The following SPAG17 variants were observed in gnomAD, a reference collection of about 807,000 sequenced individuals.
SPAG17 encodes sperm-associated antigen 17.
A neutral mutation model predicts 273.6 loss-of-function variants in SPAG17; 169 were observed. The observed-to-expected ratio is 0.62, with a 90% CI of 0.55 to 0.70. SPAG17 has a LOEUF of 0.70. Among genes scored for constraint, SPAG17 ranks in the 30% least tolerant of loss-of-function variants. The pLI is 0.00. For synonymous variants in SPAG17, 825 were observed against 873.2 expected, an observed-to-expected ratio of 0.94 and a Z score of 0.97; for missense variants, 2,557 against 2,627.8, an observed-to-expected ratio of 0.97 and a Z score of 0.59.
At chr1:118,150,052 G>A (rs1454438952) in intron 3 of SPAG17, among the ~76,000 whole-genome samples, 1 of 152,176 alleles carries the variant, frequency 6.6e-6, no homozygotes, top group African/African-American at 2.4e-5. Flanking sequence ...ATCGATTAAA[G>A]TGGGATATAA....
intron 32 of SPAG17, among the ~76,000 whole-genome samples, chr1:117,997,396 T>C (rs901455900): frequency 1.8e-4 from 27 of 151,940 alleles, no homozygotes; most frequent in Admixed American, 2.0e-4. Context: ...TTTGTCAGTT[T>C]GAACTCATGC....
Position 118,086,877 on chromosome 1 carries a change from C to G in SPAG17, c.1491G>C (p.Glu497Asp). Reference sequence around the variant, plus strand: ...CTATCTCAGGCTATCTGACCTTTTTCTCCCTCTCTGAGAGACAGAGTGAGG... The same window carrying G: ...CTATCTCAGGCTATCTGACCTTTTTGTCCCTCTCTGAGAGACAGAGTGAGG... The part of the protein sequence containing the change: ...LLPSLCLSER[E>D]KKNLHDIFLS... Residue 497 changes from glutamate (E) to aspartate (D), a missense_variant, in exon 11 of 49, where the codon GAG becomes GAC. Physicochemically the swap from Glu to Asp is conservative, Grantham distance 45. Coordinates refer to ENST00000336338, the MANE Select transcript of SPAG17 (RefSeq NM_206996.4). 1 of 1,614,166 alleles carries G rather than the reference C, an allele frequency of 6.2e-7. No homozygotes were observed. The highest frequency in any genetic ancestry group is 8.5e-7 in the Non-Finnish European group (1 of 1,180,014).
At chr1:117,964,223 A>C in intron 47 of SPAG17, 2 of 213,236 alleles carry the variant, frequency 9.4e-6, no homozygotes, top group Non-Finnish European at 9.2e-6. Context: ...CCATATCTAC[A>C]TCAGATTTCA....
chr1:118,019,039 A>C (rs1344593040), intron 28 of SPAG17, among the ~76,000 whole-genome samples: 3 of 151,506 alleles, frequency 2.0e-5, no homozygotes, highest in Non-Finnish European at 2.9e-5. Flanking sequence ...GTCTCAAAAA[A>C]AAAAAAAAAA....
chr1:118,027,942 T>G (rs897699075), intron 26 of SPAG17, among the ~76,000 whole-genome samples: 1 of 152,210 alleles, frequency 6.6e-6, no homozygotes, highest in Non-Finnish European at 1.5e-5. Flanking sequence ...TTAAGAGCAC[T>G]GGCTTTGTCA....
At chr1:117,958,820 C>T (rs948823419) in intron 48 of SPAG17, 50 of 544,346 alleles carry the variant, frequency 9.2e-5, no homozygotes, top group South Asian at 1.1e-4. Context: ...TTTGTTGTTG[C>T]TTTGATATTG....
At chr1:118,005,661 T>A in intron 31 of SPAG17, 59 bp from the exon 32 acceptor site, 3 of 1,242,162 alleles carry the variant, frequency 2.4e-6, no homozygotes, top group Non-Finnish European at 3.2e-6. Context: ...TATGTGGGAC[T>A]TGGAAAACCA....
At chr1:118,061,678 T>C (rs967353624) in intron 18 of SPAG17, among the ~76,000 whole-genome samples, 4 of 152,360 alleles carry the variant, frequency 2.6e-5, no homozygotes, top group Admixed American at 2.0e-4. Flanking sequence ...TTTAACATAA[T>C]GGGTATGTTT....
chr1:118,064,990 C>A (rs1652809155), intron 18 of SPAG17, among the ~76,000 whole-genome samples: 1 of 151,330 alleles, frequency 6.6e-6, no homozygotes. Context: ...AAGATGCTGG[C>A]AAAATTAAAT....
At chr1:117,975,920 A>C (rs1571117841) in intron 43 of SPAG17, among the ~76,000 whole-genome samples, 1 of 152,320 alleles carries the variant, frequency 6.6e-6, no homozygotes, top group South Asian at 2.1e-4. Context: ...TAAATATGGT[A>C]TGGAGTTTAT....
chr1:118,026,492 T>C (rs1357719254), intron 26 of SPAG17, among the ~76,000 whole-genome samples: 1 of 152,196 alleles, frequency 6.6e-6, no homozygotes, highest in Non-Finnish European at 1.5e-5. Context: ...GTACTACTAA[T>C]AATGATAAAC....
At chr1:118,055,661 T>C (rs909792690) in intron 19 of SPAG17, 72 bp downstream of exon 19, 25 of 1,257,934 alleles carry the variant, frequency 2.0e-5, no homozygotes, top group South Asian at 2.7e-5. Flanking sequence ...ATATTCACAG[T>C]CTTGATTAAA....
intron 18 of SPAG17, among the ~76,000 whole-genome samples, chr1:118,059,977 T>C (rs141395728): frequency 3.3e-4 from 51 of 152,264 alleles, no homozygotes; most frequent in African/African-American, 1.2e-3. Context: ...TCTTTTACCC[T>C]CATTCTGTAA....
chr1:118,121,821 C>G (rs1050465537), intron 3 of SPAG17, among the ~76,000 whole-genome samples: 2 of 151,980 alleles, frequency 1.3e-5, no homozygotes, highest in African/African-American at 2.4e-5. Flanking sequence ...AAAACACTGT[C>G]AAAACTGATT....
At chr1:118,110,661 T>G (rs1007242825) in intron 4 of SPAG17, among the ~76,000 whole-genome samples, 1 of 152,190 alleles carries the variant, frequency 6.6e-6, no homozygotes, top group South Asian at 2.1e-4. Flanking sequence ...TGGTGAGTTT[T>G]GTTCCTTCCC....
intron 7 of SPAG17, among the ~76,000 whole-genome samples, chr1:118,095,717 C>CT (rs972007342): frequency 2.6e-5 from 4 of 152,064 alleles, no homozygotes; most frequent in African/African-American, 9.7e-5. Flanking sequence ...AAATATGTCA[C>CT]TTTTTTTAGT....
intron 3 of SPAG17, among the ~76,000 whole-genome samples, chr1:118,134,799 A>T (rs1380900940): frequency 6.6e-6 from 1 of 152,166 alleles, no homozygotes; most frequent in Non-Finnish European, 1.5e-5. Flanking sequence ...TTCCTTGGTC[A>T]TACCTTGCTG....
intron 19 of SPAG17, among the ~76,000 whole-genome samples, chr1:118,055,239 T>C (rs552884736): frequency 6.6e-6 from 1 of 152,180 alleles, no homozygotes; most frequent in Non-Finnish European, 1.5e-5. Context: ...GCCAGAGGCC[T>C]CCAAAAATCT....
intron 26 of SPAG17, among the ~76,000 whole-genome samples, chr1:118,026,477 CAGA>C (rs1647764249): frequency 6.6e-6 from 1 of 152,122 alleles, no homozygotes; most frequent in South Asian, 2.1e-4. Context: ...CCTTAAATCA[CAGA>C]AGTACTACTA....
Sources: gnomAD v4.1 joint callset for allele counts (sites outside exome capture counted in the v4.1 genomes callset) on GRCh38, gnomAD v4.1.1 for gene constraint, MANE v1.5 for transcripts, NCBI Gene and HGNC (gene_info 2026-07-23, HGNC 2026-07-21) for gene names.